The following ABAT variants were observed in gnomAD, a reference collection of about 807,000 sequenced individuals.
The protein encoded by ABAT is 4-aminobutyrate aminotransferase.
A neutral mutation model predicts 64.6 loss-of-function variants in ABAT; 45 were observed. That is an observed-to-expected ratio of 0.70 (90% CI 0.55 to 0.89). The LOEUF (loss-of-function observed/expected upper bound fraction) is 0.89, where lower values mean the gene tolerates loss of function less well. Among genes scored for constraint, ABAT ranks in the 40% least tolerant of loss-of-function variants. ABAT has a pLI of 0.00. For missense variants in ABAT, 633 were observed against 658.4 expected, an observed-to-expected ratio of 0.96 and a Z score of 0.42; for synonymous variants, 297 against 250.5, an observed-to-expected ratio of 1.19 and a Z score of -1.75.
At chr16:8,772,676 T>G in intron 11 of ABAT, 104 bp from the exon 12 acceptor site, 1 of 1,492,716 alleles carries the variant, frequency 6.7e-7, no homozygotes, top group Admixed American at 1.7e-5. Flanking sequence ...CACAAACACA[T>G]TTCCAATAAA....
chr16:8,741,187 A>G (rs2059152674), intron 2 of ABAT, among the ~76,000 whole-genome samples: 1 of 152,192 alleles, frequency 6.6e-6, no homozygotes, highest in African/African-American at 2.4e-5. Flanking sequence ...TGCCTTCTGG[A>G]TGTGTTATTT....
intron 2 of ABAT, among the ~76,000 whole-genome samples, chr16:8,740,011 C>CA (rs202231205): frequency 0.026 from 3,922 of 151,726 alleles, 177 homozygotes; most frequent in African/African-American, 0.089. Flanking sequence ...TGCTATTAGG[C>CA]AAGTAGCAAC....
chr16:8,759,377 T>C (rs952019839), intron 6 of ABAT, among the ~76,000 whole-genome samples: 1 of 152,066 alleles, frequency 6.6e-6, no homozygotes, highest in African/African-American at 2.4e-5. Flanking sequence ...AAATTTTTTT[T>C]TTTTACTCCC....
At chr16:8,688,832 C>G (rs2057515759) in intron 1 of ABAT, among the ~76,000 whole-genome samples, 1 of 152,248 alleles carries the variant, frequency 6.6e-6, no homozygotes, top group South Asian at 2.1e-4. Context: ...AATCCCAACA[C>G]TTTGGGAGGC....
chr16:8,750,527 T>C lies in ABAT; in HGVS notation c.304T>C (p.Ser102Pro). ...RMLDLYSQIS[S>P]VPIGYSHPAL... ...GCTGGATCTTTATTCCCAGATCTCC[T>C]CTGTCCCCATAGGTAAGAGCTGGGA... Residue 102 changes from serine to proline, a missense_variant, in exon 5 of 16, where the codon TCT becomes CCT. Physicochemically the swap from Ser to Pro is moderately conservative, Grantham distance 74. Coordinates refer to ENST00000268251, the MANE Select transcript of ABAT (RefSeq NM_020686.6). 1 of 1,613,826 alleles carries C rather than the reference T, an allele frequency of 6.2e-7. No individual in the cohort carries two copies. The highest frequency in any genetic ancestry group is 1.3e-5 in the African/African-American group (1 of 75,060).
intron 1 of ABAT, among the ~76,000 whole-genome samples, chr16:8,732,527 CG>C (rs2058759229): frequency 1.3e-5 from 2 of 151,450 alleles, no homozygotes; most frequent in African/African-American, 4.9e-5. Context: ...TCAGAGAGCA[CG>C]GGGTTGGGGG....
intron 1 of ABAT, among the ~76,000 whole-genome samples, chr16:8,733,148 G>A (rs1354218384): frequency 4.0e-5 from 6 of 149,568 alleles, no homozygotes; most frequent in East Asian, 2.1e-4. Context: ...CCTCCCTCCC[G>A]GACGGGGTGG....
At chr16:8,765,117 A>G (rs2059907107) in intron 8 of ABAT, among the ~76,000 whole-genome samples, 3 of 152,020 alleles carry the variant, frequency 2.0e-5, no homozygotes, top group Admixed American at 1.3e-4. Flanking sequence ...AGATCACTTG[A>G]GCCCAGGAGC....
intron 1 of ABAT, among the ~76,000 whole-genome samples, chr16:8,692,421 G>C (rs910424549): frequency 5.3e-5 from 8 of 152,066 alleles, no homozygotes; most frequent in African/African-American, 1.9e-4. Flanking sequence ...AATAAATAGA[G>C]TCCATAAAAT....
At chr16:8,693,711 T>C (rs1202534829) in intron 1 of ABAT, among the ~76,000 whole-genome samples, 1 of 152,192 alleles carries the variant, frequency 6.6e-6, no homozygotes, top group African/African-American at 2.4e-5. Flanking sequence ...TCAAGTGATC[T>C]GCCTGCCTCA....
chr16:8,751,316 G>A (rs1441652536), intron 5 of ABAT, among the ~76,000 whole-genome samples: 2 of 152,062 alleles, frequency 1.3e-5, no homozygotes, highest in Non-Finnish European at 2.9e-5. Flanking sequence ...TCGAACTCCT[G>A]GACTCAAGTG....
intron 1 of ABAT, among the ~76,000 whole-genome samples, chr16:8,699,674 A>G (rs975309513): frequency 6.6e-6 from 1 of 151,942 alleles, no homozygotes; most frequent in African/African-American, 2.4e-5. Flanking sequence ...CGATCCTCCA[A>G]CCCCATCCTC....
In ABAT at chr16:8,701,338, G is replaced by A. The variant is rs1019823136; in HGVS notation, c.-42+26627G>A. 8.6e-5 allele frequency among the ~76,000 whole-genome samples: 13 copies of A among 151,802 alleles called. 1 individual carries two copies. Among genetic ancestry groups the A allele is most frequent in the East Asian group, 3.9e-4 (2 of 5,190 alleles). Reference sequence around the variant, plus strand: ...TGTAATCAAATCTGCAGTGAATAACGTGGTAGTGAGCTGTAATCAAATCTG... The same window carrying A: ...TGTAATCAAATCTGCAGTGAATAACATGGTAGTGAGCTGTAATCAAATCTG... On this transcript the variant is annotated intron_variant, in intron 1 of 15. Transcript: ENST00000268251.
At chr16:8,721,188 T>C (rs1268905193) in intron 1 of ABAT, among the ~76,000 whole-genome samples, 1 of 152,102 alleles carries the variant, frequency 6.6e-6, no homozygotes, top group Non-Finnish European at 1.5e-5. Context: ...GTAAGATCAT[T>C]TTGAAGGATG....
chr16:8,761,768 A>C (rs1379391769), intron 6 of ABAT, among the ~76,000 whole-genome samples: 2 of 152,116 alleles, frequency 1.3e-5, no homozygotes, highest in Non-Finnish European at 2.9e-5. Context: ...GGTGGTGGCA[A>C]TGGTATTCTG....
chr16:8,690,895 C>G (rs2057563691), intron 1 of ABAT, among the ~76,000 whole-genome samples: 1 of 152,106 alleles, frequency 6.6e-6, no homozygotes, highest in African/African-American at 2.4e-5. Context: ...TAGGTGGCCG[C>G]TGTGTTCTTT....
At chr16:8,760,462 A>G (rs2059763686) in intron 6 of ABAT, 1 of 152,128 alleles carries the variant, frequency 6.6e-6, no homozygotes, top group South Asian at 2.1e-4. Context: ...AAAGAACCAC[A>G]TTTTCTTCTG....
chr16:8,676,948 G>A (rs2057216041), intron 1 of ABAT, among the ~76,000 whole-genome samples: 1 of 152,202 alleles, frequency 6.6e-6, no homozygotes, highest in South Asian at 2.1e-4. Context: ...AGCATGGTCT[G>A]AAGTAGAGGC....
intron 1 of ABAT, among the ~76,000 whole-genome samples, chr16:8,708,166 G>A (rs1228205995): frequency 2.6e-5 from 2 of 75,584 alleles, no homozygotes; most frequent in African/African-American, 7.2e-5. Flanking sequence ...CTAGACAAAA[G>A]GAGTCTGCTG....
Sources: allele counts gnomAD v4.1 joint callset (sites outside exome capture counted in the v4.1 genomes callset), GRCh38; gene constraint gnomAD v4.1.1; transcripts MANE v1.5; gene names NCBI Gene and HGNC (gene_info 2026-07-23, HGNC 2026-07-21).